Variants in SLX4IP observed in about 807,000 individuals in gnomAD.
SLX4IP encodes the protein SLX4 interacting protein, also known as protein SLX4IP.
Under a neutral mutation model 32.9 loss-of-function variants are expected in SLX4IP, and 34 were observed. The ratio of observed to expected loss-of-function variants is 1.03; its 90% CI spans 0.79 to 1.38. SLX4IP has a LOEUF of 1.38. Ranked by LOEUF, SLX4IP falls within the 40% of genes most tolerant of loss-of-function variation. The probability of loss-of-function intolerance (pLI) is 0.00; values close to 1 mark genes in which losing one functional copy is unlikely to be tolerated. For synonymous variants in SLX4IP, 172 were observed against 171.7 expected (o/e 1.00, Z -0.01); for missense variants, 444 against 479.0 (o/e 0.93, Z 0.68).
chr20:10,582,703 A>G (rs1371209713), intron 4 of SLX4IP, among the ~76,000 whole-genome samples: 1 of 152,220 alleles, frequency 6.6e-6, no homozygotes, highest in Non-Finnish European at 1.5e-5. Flanking sequence ...GAGCTTTACA[A>G]TCACCTATTA....
At chr20:10,445,934 T>TC (rs2065199175) in intron 1 of SLX4IP, among the ~76,000 whole-genome samples, 1 of 24,090 alleles carries the variant, frequency 4.2e-5, no homozygotes, top group African/African-American at 1.5e-4. Flanking sequence ...CTGAGATTGC[T>TC]TTTTTTTTTT....
chr20:10,499,070 A>G (rs2065694360), intron 2 of SLX4IP, among the ~76,000 whole-genome samples: 1 of 152,128 alleles, frequency 6.6e-6, no homozygotes, highest in African/African-American at 2.4e-5. Context: ...TATCTTAACT[A>G]TATGTGTGAA....
chr20:10,519,985 T>C (rs754195248), intron 2 of SLX4IP, among the ~76,000 whole-genome samples: 13 of 152,264 alleles, frequency 8.5e-5, no homozygotes, highest in African/African-American at 1.2e-4. Context: ...CATCTTTTCA[T>C]GTGCTTATTG....
intron 6 of SLX4IP, among the ~76,000 whole-genome samples, chr20:10,617,861 G>C (rs562505763): frequency 6.6e-6 from 1 of 151,674 alleles, no homozygotes; most frequent in Non-Finnish European, 1.5e-5. Flanking sequence ...GGCTGGTCTC[G>C]AACTCCTGAG....
Position 10,601,733 on chromosome 20 carries a change from C to T in SLX4IP, c.319C>T (p.Leu107Phe). The T allele has an allele frequency of 6.2e-7, 1 of 1,613,296 alleles. No individual in the cohort carries two copies. The highest frequency in any genetic ancestry group is 1.1e-5 in the South Asian group (1 of 91,062). The change falls in exon 6 of 8, where the codon CTC (leucine) becomes TTC (phenylalanine). Residue 107 changes from leucine (L) to phenylalanine (F), a missense_variant and splice_region_variant. Leu to Phe is a conservative substitution (Grantham distance 22). Transcript: ENST00000334534. ...RCIRSTQNAELCVFPDRFVVC... is the reference protein window; with the variant it reads ...RCIRSTQNAEFCVFPDRFVVC... ...TTGTTTTTCTTCATTTTATACAGAACTCTGTGTATTCCCTGACAGATTTGT... is the reference window on the plus strand; with the variant it reads ...TTGTTTTTCTTCATTTTATACAGAATTCTGTGTATTCCCTGACAGATTTGT...
At chr20:10,456,695 C>A (rs2065288525) in intron 1 of SLX4IP, among the ~76,000 whole-genome samples, 1 of 152,146 alleles carries the variant, frequency 6.6e-6, no homozygotes. Flanking sequence ...TCTTCTTTTT[C>A]AGTATTGTTT....
chr20:10,559,635 G>T (rs920262196), intron 3 of SLX4IP, among the ~76,000 whole-genome samples: 3 of 152,092 alleles, frequency 2.0e-5, no homozygotes, highest in Admixed American at 6.5e-5. Context: ...TCCTGTTAGT[G>T]CAGGAAACAA....
At chr20:10,517,202 TG>T (rs2065858628) in intron 2 of SLX4IP, among the ~76,000 whole-genome samples, 1 of 152,214 alleles carries the variant, frequency 6.6e-6, no homozygotes, top group Non-Finnish European at 1.5e-5. Context: ...CCAGAAAGAC[TG>T]TCATCAAACC....
At chr20:10,616,179 C>T (rs902468618) in intron 6 of SLX4IP, among the ~76,000 whole-genome samples, 24 of 152,008 alleles carry the variant, frequency 1.6e-4, no homozygotes, top group African/African-American at 5.1e-4. Flanking sequence ...CTCTATATCC[C>T]GTCCATCAGC....
intron 1 of SLX4IP, among the ~76,000 whole-genome samples, chr20:10,453,843 G>T (rs2065263654): frequency 6.6e-6 from 1 of 151,636 alleles, no homozygotes; most frequent in Non-Finnish European, 1.5e-5. Context: ...CTCCTATATT[G>T]GTCTTTTAAT....
chr20:10,622,985 C>A lies in SLX4IP; in HGVS notation c.833C>A (p.Ser278Ter), dbSNP rs1416236826. 7 of 1,614,194 alleles carry A rather than the reference C, an allele frequency of 4.3e-6. No individual in the cohort carries two copies. The highest frequency in any genetic ancestry group is 4.2e-6 in the Non-Finnish European group (5 of 1,180,030). Residue 278 changes from serine (S) to a stop codon, truncating the protein, a stop_gained, in exon 8 of 8, where the codon TCA becomes TAA. Transcript: ENST00000334534. LOFTEE classifies it high-confidence loss of function. Reference sequence around the variant, plus strand: ...AGGAGCCCCGTCTGTAGCTGTGAGTCAGCATCACCATGTCCAAAACAAAGT... The same window carrying A: ...AGGAGCCCCGTCTGTAGCTGTGAGTAAGCATCACCATGTCCAAAACAAAGT... ...LSRSPVCSCE[S>*]ASPCPKQSPR... is the part of the protein sequence containing the mutation.
chr20:10,518,398 T>TCC (rs2065868998), intron 2 of SLX4IP, among the ~76,000 whole-genome samples: 1 of 108,828 alleles, frequency 9.2e-6, no homozygotes, highest in Non-Finnish European at 2.1e-5. Context: ...TTCCTTTCTT[T>TCC]CTTTCTTTCC....
intron 2 of SLX4IP, among the ~76,000 whole-genome samples, chr20:10,504,946 G>A (rs2065746681): frequency 6.6e-6 from 1 of 151,258 alleles, no homozygotes; most frequent in Non-Finnish European, 1.5e-5. Flanking sequence ...AGGAAAAAAA[G>A]ATAATGCCAG....
At chr20:10,518,408 C>CTTCCTTCCT (rs1201046303) in intron 2 of SLX4IP, among the ~76,000 whole-genome samples, 1 of 75,196 alleles carries the variant, frequency 1.3e-5, no homozygotes, top group Non-Finnish European at 3.5e-5. Flanking sequence ...TCTTTCTTTC[C>CTTCCTTCCT]TTCCTTCCTT....
At chr20:10,597,918 C>T (rs2066790898) in intron 4 of SLX4IP, among the ~76,000 whole-genome samples, 1 of 152,164 alleles carries the variant, frequency 6.6e-6, no homozygotes, top group South Asian at 2.1e-4. Context: ...TTACTCATGT[C>T]ATATTTCTTT....
intron 2 of SLX4IP, among the ~76,000 whole-genome samples, chr20:10,511,760 C>G (rs2065809465): frequency 6.6e-6 from 1 of 152,198 alleles, no homozygotes. Flanking sequence ...GCTGACTCAC[C>G]CTCTTCACGT....
At chr20:10,612,335 A>G (rs888730448) in intron 6 of SLX4IP, among the ~76,000 whole-genome samples, 1 of 152,146 alleles carries the variant, frequency 6.6e-6, no homozygotes, top group Non-Finnish European at 1.5e-5. Flanking sequence ...CCAACAATGA[A>G]CATGAGACCT....
intron 2 of SLX4IP, among the ~76,000 whole-genome samples, chr20:10,530,722 A>G (rs1281778942): frequency 6.6e-6 from 1 of 152,226 alleles, no homozygotes; most frequent in Non-Finnish European, 1.5e-5. Context: ...TGCTTTAAAA[A>G]TTGATTTGAT....
chr20:10,494,908 C>A (rs1358204113), intron 2 of SLX4IP, among the ~76,000 whole-genome samples: 4 of 152,062 alleles, frequency 2.6e-5, no homozygotes, highest in Non-Finnish European at 5.9e-5. Context: ...GAAATAAGTT[C>A]TTGATGTGTT....
Sources: allele counts gnomAD v4.1 joint callset (sites outside exome capture counted in the v4.1 genomes callset), GRCh38; gene constraint gnomAD v4.1.1; transcripts MANE v1.5; gene names NCBI Gene and HGNC (gene_info 2026-07-23, HGNC 2026-07-21).